The following SDK1 variants were observed in gnomAD, a reference collection of about 807,000 sequenced individuals.
The protein encoded by SDK1 is sidekick cell adhesion molecule 1.
Under a neutral mutation model 245.5 loss-of-function variants are expected in SDK1, and 157 were observed. The observed-to-expected ratio is 0.64, with a 90% confidence interval of 0.56 to 0.73. SDK1 has a LOEUF of 0.73. Ranked by LOEUF, SDK1 falls within the 30% of genes least tolerant of loss-of-function variation. SDK1 has a pLI of 0.00. For missense variants in SDK1, 3,583 were observed against 3,002.3 expected (o/e 1.19, Z -4.52); for synonymous variants, 1,647 against 1,278.5 (o/e 1.29, Z -6.15).
intron 1 of SDK1, among the ~76,000 whole-genome samples, chr7:3,589,232 A>G (rs2128635046): frequency 6.6e-6 from 1 of 152,276 alleles, no homozygotes; most frequent in African/African-American, 2.4e-5. Flanking sequence ...GGACTCTTTG[A>G]TGTCAGTACT....
intron 4 of SDK1, among the ~76,000 whole-genome samples, chr7:3,659,959 CA>C (rs1783302705): frequency 6.6e-6 from 1 of 152,156 alleles, no homozygotes; most frequent in East Asian, 1.9e-4. Context: ...GAAATGATGA[CA>C]ACTGGATTCA....
At chr7:3,827,415 A>G (rs1172952545) in intron 5 of SDK1, among the ~76,000 whole-genome samples, 1 of 152,188 alleles carries the variant, frequency 6.6e-6, no homozygotes. Context: ...AATCTTTAAC[A>G]TGGGCAATTA....
intron 5 of SDK1, among the ~76,000 whole-genome samples, chr7:3,933,970 C>T (rs1305856083): frequency 1.3e-5 from 2 of 152,172 alleles, no homozygotes; most frequent in African/African-American, 4.8e-5. Context: ...AGAAAGCTTT[C>T]TGTTTGGTGT....
chr7:3,715,390 C>T (rs1785170386), intron 4 of SDK1, among the ~76,000 whole-genome samples: 1 of 152,144 alleles, frequency 6.6e-6, no homozygotes, highest in Non-Finnish European at 1.5e-5. Flanking sequence ...TTCTTCCCTC[C>T]TCAGGTGGCA....
intron 17 of SDK1, among the ~76,000 whole-genome samples, chr7:4,032,063 C>T (rs900369313): frequency 1.3e-5 from 2 of 150,530 alleles, no homozygotes; most frequent in South Asian, 4.2e-4. Flanking sequence ...ATAGATAGAT[C>T]GATCGATCGA....
intron 1 of SDK1, among the ~76,000 whole-genome samples, chr7:3,355,728 C>G (rs1185107916): frequency 6.6e-6 from 1 of 152,180 alleles, no homozygotes; most frequent in Non-Finnish European, 1.5e-5. Flanking sequence ...GCTTCTGATC[C>G]TAATTTCAGG....
intron 14 of SDK1, among the ~76,000 whole-genome samples, chr7:4,005,613 G>C (rs1785424979): frequency 6.6e-6 from 1 of 152,106 alleles, no homozygotes; most frequent in Admixed American, 6.5e-5. Context: ...GAGTGAAAAA[G>C]AGGCGCAGTA....
chr7:3,541,384 C>T (rs1018671367), intron 1 of SDK1, among the ~76,000 whole-genome samples: 11 of 152,326 alleles, frequency 7.2e-5, no homozygotes, highest in Non-Finnish European at 1.5e-4. Flanking sequence ...CTAAGCCATA[C>T]GCTGGTCATT....
chr7:3,489,133 C>A (rs1051353601), intron 1 of SDK1, among the ~76,000 whole-genome samples: 1 of 152,022 alleles, frequency 6.6e-6, no homozygotes, highest in Non-Finnish European at 1.5e-5. Context: ...AGCCCCTGGA[C>A]CCAAGTGAAC....
intron 9 of SDK1, among the ~76,000 whole-genome samples, chr7:3,964,707 T>C (rs1320690656): frequency 6.6e-6 from 1 of 152,178 alleles, no homozygotes; most frequent in East Asian, 1.9e-4. Flanking sequence ...TGTTTGCCCT[T>C]TCGGGAGCAA....
intron 5 of SDK1, among the ~76,000 whole-genome samples, chr7:3,935,409 A>G (rs151052432): frequency 1.3e-5 from 2 of 152,260 alleles, no homozygotes; most frequent in African/African-American, 2.4e-5. Context: ...ACTCTTCTGT[A>G]TCAAAGGACA....
intron 4 of SDK1, among the ~76,000 whole-genome samples, chr7:3,742,421 G>C (rs1430482950): frequency 6.6e-6 from 1 of 152,086 alleles, no homozygotes; most frequent in Non-Finnish European, 1.5e-5. Flanking sequence ...CCCAGAAAAG[G>C]AGTAACAGCC....
intron 8 of SDK1, among the ~76,000 whole-genome samples, chr7:3,960,258 T>C (rs1378915445): frequency 2.6e-5 from 4 of 152,194 alleles, no homozygotes; most frequent in Non-Finnish European, 4.4e-5. Context: ...CATTGCCCAG[T>C]GTGTGGCCTG....
intron 2 of SDK1, among the ~76,000 whole-genome samples, chr7:3,623,656 T>C (rs1189472374): frequency 2.0e-5 from 3 of 152,236 alleles, no homozygotes; most frequent in African/African-American, 4.8e-5. Context: ...ATATCTTAGG[T>C]GGATTTGTAT....
intron 4 of SDK1, among the ~76,000 whole-genome samples, chr7:3,760,153 A>G (rs1780052432): frequency 6.6e-6 from 1 of 152,034 alleles, no homozygotes; most frequent in African/African-American, 2.4e-5. Flanking sequence ...TTTTTTGCAT[A>G]TCTGCATTTG....
chr7:3,345,713 T>C (rs1780473688), intron 1 of SDK1, among the ~76,000 whole-genome samples: 1 of 152,246 alleles, frequency 6.6e-6, no homozygotes, highest in Non-Finnish European at 1.5e-5. Context: ...GGCGATGCCT[T>C]GCCGTCTCTT....
chr7:3,695,197 C>T lies in SDK1; in HGVS notation c.713+53092C>T, dbSNP rs199712123. Among the ~76,000 whole-genome samples the T allele has an allele frequency of 3.4e-4, 52 of 152,288 alleles. No individual in the cohort carries two copies. The East Asian group carries it at 4.0e-3, about 12-fold the overall frequency. On this transcript the variant is annotated intron_variant, in intron 4 of 44. Coordinates refer to ENST00000404826, the MANE Select transcript of SDK1 (RefSeq NM_152744.4). ...GACAGCATGGTCTACTTACACTAGG[C>T]GCCTCACACAGCAAATTAAATAAGT...
At position 3,367,238 on chromosome 7, in the gene SDK1, C is replaced by T. The variant is rs74302041; in HGVS notation, c.298+65354C>T. 2.6e-5 allele frequency among the ~76,000 whole-genome samples: 4 copies of T among 151,686 alleles called. No homozygotes were observed. The East Asian group carries it at 7.7e-4, about 29-fold the overall frequency. On this transcript the variant is annotated intron_variant, in intron 1 of 44. Transcript: ENST00000404826. ...CTTTTTTATATTTGTAATTTGTCATCGTTGTAATTTCATGTGATCTGGATC... is the reference window on the plus strand; with the variant it reads ...CTTTTTTATATTTGTAATTTGTCATTGTTGTAATTTCATGTGATCTGGATC...
At chr7:3,606,257 A>G (rs1293772834) in intron 1 of SDK1, among the ~76,000 whole-genome samples, 1 of 152,164 alleles carries the variant, frequency 6.6e-6, no homozygotes, top group Non-Finnish European at 1.5e-5. Flanking sequence ...CTTAGGCCCC[A>G]GGTCTGATCA....
Sources: allele counts gnomAD v4.1 joint callset (sites outside exome capture counted in the v4.1 genomes callset), GRCh38; gene constraint gnomAD v4.1.1; transcripts MANE v1.5; gene names NCBI Gene and HGNC (gene_info 2026-07-23, HGNC 2026-07-21).